The following HOXB3 variants were observed in gnomAD, a reference collection of about 807,000 sequenced individuals.
HOXB3 encodes homeobox B3.
A neutral mutation model predicts 29.2 loss-of-function variants in HOXB3; 17 were observed. The observed-to-expected ratio is 0.58, with a 90% CI of 0.40 to 0.87. The LOEUF is 0.87. Ranked by LOEUF, HOXB3 falls within the 40% of genes least tolerant of loss-of-function variation. HOXB3 has a pLI of 0.00. For missense variants in HOXB3, 637 were observed against 616.3 expected, an observed-to-expected ratio of 1.03 and a Z score of -0.35; for synonymous variants, 317 against 285.9, an observed-to-expected ratio of 1.11 and a Z score of -1.10.
rs2144757033 is a variant in HOXB3 at position 48,554,346 on chromosome 17, T to C, written c.-159+1185A>G. 6 of 387,896 alleles carry C rather than the reference T, an allele frequency of 1.5e-5. No individual in the cohort carries two copies. Among genetic ancestry groups the C allele is most frequent in the East Asian group, 5.1e-5 (1 of 19,498 alleles). The allele number at this position is 387,896 out of a possible 1,614,324, so 24.0% of individuals were successfully genotyped here. ...GTTACAGCAATAATAATGATGACGA[T>C]GATGATGATAGTAATAATAATAAAA... On this transcript the variant is annotated intron_variant, in intron 3 of 4. Coordinates refer to ENST00000498678, the MANE Select transcript of HOXB3 (RefSeq NM_001384749.1). This position sits in a 1 kb window ranked among gnomAD's most constrained non-coding sequence, Gnocchi z 4.1.
At position 48,550,567 on chromosome 17, in the gene HOXB3, C is replaced by G. The variant is rs752414179; in HGVS notation, c.1063G>C (p.Gly355Arg). The G allele has an allele frequency of 1.3e-6, 2 of 1,526,954 alleles. No homozygotes were observed. Among genetic ancestry groups the G allele is most frequent in the Non-Finnish European group, 1.7e-6 (2 of 1,148,608 alleles). 94.6% of individuals were successfully genotyped at this position (1,526,954 alleles called of 1,614,324 possible). ...GGCAGCGGATCCGCGTAGCCGCCCC[C>G]GCCCACGTACACCGGACTGCCCTGC... ...TMQGSPVYVG[G>R]GGYADPLPPP... Residue 355 changes from glycine to arginine, a missense_variant, in exon 5 of 5, where the codon GGG becomes CGG. By Grantham distance (125) the Gly-to-Arg change is moderately radical. Transcript: ENST00000498678.
intron 2 of HOXB3, among the ~76,000 whole-genome samples, chr17:48,563,568 A>T (rs1015228807): frequency 1.3e-5 from 2 of 152,112 alleles, no homozygotes; most frequent in Non-Finnish European, 1.5e-5. Flanking sequence ...ATTCTCCCTC[A>T]TCTGGGAAAA....
At chr17:48,574,959 T>C (rs140931724) in intron 1 of HOXB3, 1 of 152,358 alleles carries the variant, frequency 6.6e-6, no homozygotes, top group East Asian at 1.9e-4. Context: ...ATAAAAATAC[T>C]CTGAAAACCT....
At chr17:48,582,274 G>A (rs2069961809) in intron 1 of HOXB3, 1 of 152,264 alleles carries the variant, frequency 6.6e-6, no homozygotes, top group Non-Finnish European at 1.5e-5. Flanking sequence ...CAGAGGGGGC[G>A]CGGGCGAGGG....
chr17:48,554,802 C>T lies in HOXB3; in HGVS notation c.-159+729G>A, dbSNP rs143698851. 4.5e-3 allele frequency: 3,144 copies of T among 702,334 alleles called. 61 individuals are homozygous for T. The highest frequency in any genetic ancestry group is 0.039 in the African/African-American group (2,255 of 57,358). The allele number at this position is 702,334 out of a possible 1,614,324, so 43.5% of individuals were successfully genotyped here. A position where few individuals can be genotyped will look rare whatever the true frequency, so the allele number is the denominator to read the frequency against. On this transcript the variant is annotated intron_variant, in intron 3 of 4. Transcript: ENST00000498678. This position sits in a 1 kb window ranked among gnomAD's most constrained non-coding sequence, Gnocchi z 4.1. Reference sequence around the variant, plus strand: ...GCGCCTTAGAAACTCCGCTTCGGGACTTTGCTCAGCAGGGCTCCGGGTTGG... The same window carrying T: ...GCGCCTTAGAAACTCCGCTTCGGGATTTTGCTCAGCAGGGCTCCGGGTTGG...
chr17:48,577,397 C>G (rs2069802024), intron 1 of HOXB3, among the ~76,000 whole-genome samples: 1 of 152,204 alleles, frequency 6.6e-6, no homozygotes, highest in Non-Finnish European at 1.5e-5. Context: ...CCCACCCTTG[C>G]TGCTCAGATT....
At position 48,573,892 on chromosome 17, in the gene HOXB3, G is replaced by A. The variant is rs987959972; in HGVS notation, c.-302C>T. 4.3e-6 allele frequency: 3 copies of A among 701,468 alleles called. No homozygotes were observed. Among genetic ancestry groups the A allele is most frequent in the Admixed American group, 2.0e-5 (1 of 49,846 alleles). 43.5% of individuals were successfully genotyped at this position (701,468 alleles called of 1,614,324 possible). On this transcript the variant is annotated 5_prime_UTR_variant, in exon 2 of 5. Transcript: ENST00000498678. ...CTCTGCAGATCCCATTCATGACGAA[G>A]GGCTTCTTCCAAACTGAGAGAAAAA...
chr17:48,558,509 A>G (rs1179914649), intron 2 of HOXB3, among the ~76,000 whole-genome samples: 1 of 152,150 alleles, frequency 6.6e-6, no homozygotes, highest in Non-Finnish European at 1.5e-5. Flanking sequence ...TTGGGAGGCA[A>G]TTAGATCCCA....
chr17:48,554,794 C>A lies in HOXB3; in HGVS notation c.-159+737G>T, dbSNP rs2068896146. The stretch of plus-strand genomic sequence containing the variant: ...ATTAAAAGGCGCCTTAGAAACTCCG[C>A]TTCGGGACTTTGCTCAGCAGGGCTC... On this transcript the variant is annotated intron_variant, in intron 3 of 4. Coordinates refer to ENST00000498678, the MANE Select transcript of HOXB3 (RefSeq NM_001384749.1). This position sits in a 1 kb window ranked among gnomAD's most constrained non-coding sequence, Gnocchi z 4.1. 1.4e-6 allele frequency: 1 copy of A among 702,250 alleles called. No individual in the cohort carries two copies. Among genetic ancestry groups the A allele is most frequent in the Admixed American group, 2.0e-5 (1 of 49,998 alleles). 43.5% of individuals were successfully genotyped at this position (702,250 alleles called of 1,614,324 possible).
chr17:48,570,016 TC>T (rs1405037188), intron 2 of HOXB3, among the ~76,000 whole-genome samples: 1 of 151,764 alleles, frequency 6.6e-6, no homozygotes, highest in Admixed American at 6.6e-5. Context: ...CTGTCTCATT[TC>T]CCCCCCTTCC....
chr17:48,576,016 T>A (rs191207508), intron 1 of HOXB3: 25 of 152,382 alleles, frequency 1.6e-4, no homozygotes, highest in African/African-American at 5.8e-4. Context: ...CCCTACTTGC[T>A]CCCCTCCTCT....
At chr17:48,552,827 A>G (rs2068818122) in intron 3 of HOXB3, 195 bp from the exon 4 acceptor site, 1 of 225,136 alleles carries the variant, frequency 4.4e-6, no homozygotes, top group Non-Finnish European at 8.8e-6. Flanking sequence ...TAAAGACTAT[A>G]TGCCTTTCAA....
intron 1 of HOXB3, among the ~76,000 whole-genome samples, chr17:48,589,222 AC>A (rs1206888277): frequency 1.3e-5 from 2 of 152,058 alleles, no homozygotes; most frequent in Admixed American, 6.5e-5. Flanking sequence ...AAAAAAGAGC[AC>A]CTTTCCTATT....
At chr17:48,570,073 GGAAAA>G (rs1208953855) in intron 2 of HOXB3, among the ~76,000 whole-genome samples, 1 of 152,182 alleles carries the variant, frequency 6.6e-6, no homozygotes, top group South Asian at 2.1e-4. Context: ...AGGAGAGGAG[GGAAAA>G]GAAAAGAAAA....
rs1298829260 is a variant in HOXB3 at position 48,551,058 on chromosome 17, G to A, written c.572C>T (p.Ala191Val). ...SPPGSAASKR[A>V]RTAYTSAQLV... ...CTGCGCGCTCGTGTACGCCGTCCGC[G>A]CCCGCTTGGACGCCGCCGACCCCGG... The change falls in exon 5 of 5, where the codon GCG becomes GTG. Residue 191 changes from alanine to valine, a missense_variant. Ala to Val is a moderately conservative substitution (Grantham distance 64, BLOSUM62 0). Transcript: ENST00000498678. 2 of 1,581,082 alleles carry A rather than the reference G, an allele frequency of 1.3e-6. No homozygotes were observed. Among genetic ancestry groups the A allele is most frequent in the Non-Finnish European group, 1.7e-6 (2 of 1,160,682 alleles).
At chr17:48,571,285 C>A (rs1024501597) in intron 2 of HOXB3, among the ~76,000 whole-genome samples, 4 of 152,206 alleles carry the variant, frequency 2.6e-5, no homozygotes, top group African/African-American at 9.7e-5. Flanking sequence ...TTCCCAACTC[C>A]GTTTTCCAAC....
chr17:48,555,889 CCA>C, intron 2 of HOXB3, among the ~76,000 whole-genome samples: 1 of 152,322 alleles, frequency 6.6e-6, no homozygotes. Flanking sequence ...GGCTAAGCCG[CCA>C]CAGTGTGGTT....
chr17:48,571,402 C>T (rs868132547), intron 2 of HOXB3, among the ~76,000 whole-genome samples: 1 of 151,980 alleles, frequency 6.6e-6, no homozygotes, highest in Non-Finnish European at 1.5e-5. Context: ...CCAGGACAGG[C>T]GGGTGGAAGT....
intron 2 of HOXB3, among the ~76,000 whole-genome samples, chr17:48,564,456 C>A (rs1404428154): frequency 6.7e-6 from 1 of 149,172 alleles, no homozygotes; most frequent in Non-Finnish European, 1.5e-5. Context: ...CGGCTTTGTT[C>A]GGCCTCCAGG....
Sources: allele counts gnomAD v4.1 joint callset (sites outside exome capture counted in the v4.1 genomes callset), GRCh38; gene constraint gnomAD v4.1.1; non-coding constraint Gnocchi (gnomAD v3.1); transcripts MANE v1.5; gene names NCBI Gene and HGNC (gene_info 2026-07-23, HGNC 2026-07-21).